Variants in CADM2 observed in about 807,000 individuals in gnomAD.
The protein encoded by CADM2 is cell adhesion molecule 2, also known as immunoglobulin superfamily member 4D.
In CADM2, 12 loss-of-function variants were observed where a neutral mutation model predicts 49.8. The observed-to-expected ratio is 0.24, with a 90% confidence interval of 0.15 to 0.39. The LOEUF is 0.39. Ranked by LOEUF, CADM2 falls within the 10% of genes least tolerant of loss-of-function variation. CADM2 has a pLI of 1.00. For synonymous variants in CADM2, 214 were observed against 175.4 expected, an observed-to-expected ratio of 1.22 and a Z score of -1.74; for missense variants, 378 against 492.3, an observed-to-expected ratio of 0.77 and a Z score of 2.20.
At chr3:85,317,531 T>G (rs1026077284) in intron 1 of CADM2, among the ~76,000 whole-genome samples, 7 of 152,154 alleles carry the variant, frequency 4.6e-5, no homozygotes, top group Non-Finnish European at 1.0e-4. Context: ...GGCTGGGAAG[T>G]CCAAGATCAA....
intron 1 of CADM2, among the ~76,000 whole-genome samples, chr3:85,279,920 T>C (rs1179511240): frequency 6.6e-6 from 1 of 151,676 alleles, no homozygotes; most frequent in African/African-American, 2.4e-5. Context: ...TCATTTTTTA[T>C]TTTTGGAAAT....
At chr3:85,139,374 G>A (rs2039510868) in intron 1 of CADM2, among the ~76,000 whole-genome samples, 1 of 151,938 alleles carries the variant, frequency 6.6e-6, no homozygotes, top group Non-Finnish European at 1.5e-5. Flanking sequence ...TCAAGTTTGT[G>A]AGAAGTTTGA....
chr3:85,097,561 T>C (rs2037847358), intron 1 of CADM2, among the ~76,000 whole-genome samples: 1 of 152,204 alleles, frequency 6.6e-6, no homozygotes, highest in African/African-American at 2.4e-5. Context: ...TCTAGATCCC[T>C]GAGGAATCGC....
At chr3:86,026,847 T>C (rs1362842069) in intron 8 of CADM2, among the ~76,000 whole-genome samples, 1 of 152,202 alleles carries the variant, frequency 6.6e-6, no homozygotes. Flanking sequence ...TGAATTGGTG[T>C]AGACATAAAA....
At chr3:85,613,992 A>G (rs1263143068) in intron 1 of CADM2, among the ~76,000 whole-genome samples, 2 of 151,764 alleles carry the variant, frequency 1.3e-5, no homozygotes, top group South Asian at 4.1e-4. Flanking sequence ...TCTTACTATT[A>G]TTAGTAAAAA....
intron 1 of CADM2, among the ~76,000 whole-genome samples, chr3:85,187,979 A>G (rs139145730): frequency 2.0e-5 from 3 of 152,106 alleles, no homozygotes; most frequent in Non-Finnish European, 4.4e-5. Context: ...AGTTGATGCT[A>G]TCTTAGATTC....
chr3:85,132,097 T>A (rs553954876), intron 1 of CADM2, among the ~76,000 whole-genome samples: 1 of 152,214 alleles, frequency 6.6e-6, no homozygotes, highest in Admixed American at 6.5e-5. Context: ...GAAGGGATAA[T>A]GTTTTCAATT....
intron 1 of CADM2, among the ~76,000 whole-genome samples, chr3:85,240,734 C>G (rs1031244356): frequency 6.6e-6 from 1 of 151,588 alleles, no homozygotes; most frequent in Admixed American, 6.6e-5. Flanking sequence ...GTTTATTTTT[C>G]TCAATTTGCT....
At position 85,719,417 on chromosome 3, in the gene CADM2, A is replaced by G. The variant is rs186416689; in HGVS notation, c.62-7105A>G. On this transcript the variant is annotated intron_variant, in intron 1 of 9. Transcript: ENST00000383699. ...TTCAAGGAAAACTCCTAACTCCCCA[A>G]TAATTTAACTACCAATAGCCTGCTG... Among the ~76,000 whole-genome samples, 25 of 152,296 alleles carry G rather than the reference A, an allele frequency of 1.6e-4. No homozygotes were observed. In the East Asian group the frequency reaches 3.9e-3, roughly 23 times the overall value.
intron 1 of CADM2, among the ~76,000 whole-genome samples, chr3:85,567,535 T>G (rs1358113615): frequency 6.6e-6 from 1 of 152,176 alleles, no homozygotes; most frequent in Non-Finnish European, 1.5e-5. Context: ...ACATTCTTGT[T>G]TAATTTCTCT....
At chr3:85,644,097 A>G (rs2064814286) in intron 1 of CADM2, among the ~76,000 whole-genome samples, 1 of 152,168 alleles carries the variant, frequency 6.6e-6, no homozygotes, top group Non-Finnish European at 1.5e-5. Context: ...AGGCTGACAC[A>G]CACTTATTTT....
At chr3:85,935,890 C>T in intron 7 of CADM2, 33 bp downstream of exon 7, 1 of 1,286,372 alleles carries the variant, frequency 7.8e-7, no homozygotes, top group Non-Finnish European at 1.1e-6. Flanking sequence ...AAGCTTTTAA[C>T]TTTTTTTCTT....
chr3:85,347,150 C>T (rs929439313), intron 1 of CADM2, among the ~76,000 whole-genome samples: 6 of 131,398 alleles, frequency 4.6e-5, no homozygotes, highest in Middle Eastern at 4.4e-3. Flanking sequence ...TGAATCCAGC[C>T]GGCAGAGGTT....
intron 1 of CADM2, among the ~76,000 whole-genome samples, chr3:85,337,767 T>TAAA (rs112152298): frequency 6.6e-6 from 1 of 151,580 alleles, no homozygotes; most frequent in East Asian, 1.9e-4. Context: ...ACCGGCATGC[T>TAAA]AAATGAGTAT....
intron 1 of CADM2, among the ~76,000 whole-genome samples, chr3:85,116,319 C>T (rs995239842): frequency 2.6e-5 from 4 of 152,132 alleles, no homozygotes; most frequent in African/African-American, 4.8e-5. Flanking sequence ...AAGTGATCTC[C>T]GTCTCAAAAC....
intron 1 of CADM2, among the ~76,000 whole-genome samples, chr3:85,380,050 T>C (rs1427725090): frequency 6.6e-6 from 1 of 152,162 alleles, no homozygotes; most frequent in East Asian, 1.9e-4. Flanking sequence ...TTTGATATCT[T>C]TTCAAAGAGT....
chr3:85,607,599 C>G (rs535927488), intron 1 of CADM2, among the ~76,000 whole-genome samples: 1 of 152,162 alleles, frequency 6.6e-6, no homozygotes, highest in South Asian at 2.1e-4. Flanking sequence ...CATTATATGT[C>G]TGTATCACAA....
intron 1 of CADM2, among the ~76,000 whole-genome samples, chr3:85,362,505 G>A (rs1490150725): frequency 6.6e-6 from 1 of 152,132 alleles, no homozygotes; most frequent in Non-Finnish European, 1.5e-5. Context: ...AGGTCATTTA[G>A]AAATTACTAT....
chr3:85,706,568 G>T (rs1194732859), intron 1 of CADM2, among the ~76,000 whole-genome samples: 1 of 151,908 alleles, frequency 6.6e-6, no homozygotes, highest in African/African-American at 2.4e-5. Flanking sequence ...AATTTCCCTA[G>T]CATATTAGAT....
Sources: allele counts gnomAD v4.1 joint callset (sites outside exome capture counted in the v4.1 genomes callset), GRCh38; gene constraint gnomAD v4.1.1; transcripts MANE v1.5; gene names NCBI Gene and HGNC (gene_info 2026-07-23, HGNC 2026-07-21).